CNTNAP5: variants seen among roughly 807,000 people sequenced by gnomAD.
The protein encoded by CNTNAP5 is contactin-associated protein-like 5.
A neutral mutation model predicts 150.2 loss-of-function variants in CNTNAP5; 72 were observed. The ratio of observed to expected loss-of-function variants is 0.48; its 90% CI spans 0.40 to 0.58. CNTNAP5 has a LOEUF of 0.58. CNTNAP5 is among the 20% of genes least tolerant of loss of function. The pLI is 0.00. For synonymous variants in CNTNAP5, 672 were observed against 619.8 expected, an observed-to-expected ratio of 1.08 and a Z score of -1.25; for missense variants, 1,636 against 1,626.2, an observed-to-expected ratio of 1.01 and a Z score of -0.10.
intron 10 of CNTNAP5, among the ~76,000 whole-genome samples, chr2:124,528,557 A>G (rs866112947): frequency 1.3e-5 from 2 of 152,172 alleles, no homozygotes; most frequent in Admixed American, 6.5e-5. Flanking sequence ...GGCAATATCT[A>G]TTTTTCATAG....
At chr2:124,062,968 A>G (rs1458986601) in intron 1 of CNTNAP5, among the ~76,000 whole-genome samples, 1 of 152,138 alleles carries the variant, frequency 6.6e-6, no homozygotes, top group East Asian at 1.9e-4. Context: ...ATCTAACTGA[A>G]GACTAGAAAA....
intron 2 of CNTNAP5, among the ~76,000 whole-genome samples, chr2:124,223,325 C>T (rs1686374937): frequency 6.6e-6 from 1 of 152,126 alleles, no homozygotes; most frequent in South Asian, 2.1e-4. Flanking sequence ...CGAGCTATGC[C>T]ACTTAAAAAC....
chr2:124,164,343 C>A (rs953609374), intron 1 of CNTNAP5, among the ~76,000 whole-genome samples: 3 of 152,162 alleles, frequency 2.0e-5, no homozygotes, highest in Non-Finnish European at 4.4e-5. Flanking sequence ...AAGACACAAC[C>A]CCCAAAACTC....
At chr2:124,888,085 C>A (rs1004335891) in intron 21 of CNTNAP5, among the ~76,000 whole-genome samples, 1 of 152,008 alleles carries the variant, frequency 6.6e-6, no homozygotes, top group African/African-American at 2.4e-5. Context: ...GTATAGTATT[C>A]AACAGTGAGT....
At chr2:124,799,373 T>G (rs1488380459) in intron 19 of CNTNAP5, among the ~76,000 whole-genome samples, 1 of 152,218 alleles carries the variant, frequency 6.6e-6, no homozygotes, top group African/African-American at 2.4e-5. Flanking sequence ...CTATTCTTGA[T>G]ATAGTCATGG....
chr2:124,150,797 C>CTGAT (rs1684387387), intron 1 of CNTNAP5, among the ~76,000 whole-genome samples: 1 of 152,168 alleles, frequency 6.6e-6, no homozygotes, highest in Non-Finnish European at 1.5e-5. Context: ...CTTTACATAC[C>CTGAT]ATCACATTGG....
intron 13 of CNTNAP5, among the ~76,000 whole-genome samples, chr2:124,700,556 G>A (rs1679500242): frequency 1.3e-5 from 2 of 152,038 alleles, no homozygotes; most frequent in East Asian, 1.9e-4. Context: ...CCTAGTGGGT[G>A]TGAAATGGCA....
chr2:124,886,661 A>G (rs1034333278), intron 21 of CNTNAP5, among the ~76,000 whole-genome samples: 1 of 152,044 alleles, frequency 6.6e-6, no homozygotes, highest in African/African-American at 2.4e-5. Context: ...TGAAAAAGAA[A>G]TTGAGCTTGA....
At chr2:124,526,253 A>T (rs1694964651) in intron 9 of CNTNAP5, among the ~76,000 whole-genome samples, 1 of 152,176 alleles carries the variant, frequency 6.6e-6, no homozygotes. Context: ...CCACGCGTAG[A>T]CTGTAAACTT....
At chr2:124,271,273 AT>A (rs1473313688) in intron 3 of CNTNAP5, among the ~76,000 whole-genome samples, 8 of 152,172 alleles carry the variant, frequency 5.3e-5, no homozygotes, top group Non-Finnish European at 1.0e-4. Flanking sequence ...AATAAATTCC[AT>A]AAGAGGAGAA....
intron 3 of CNTNAP5, among the ~76,000 whole-genome samples, chr2:124,249,088 G>T (rs1471011749): frequency 6.6e-6 from 1 of 151,810 alleles, no homozygotes; most frequent in East Asian, 1.9e-4. Flanking sequence ...TTTTTATCTT[G>T]CCCAAATTCC....
intron 14 of CNTNAP5, among the ~76,000 whole-genome samples, chr2:124,748,806 T>C (rs1680661227): frequency 6.6e-6 from 1 of 152,154 alleles, no homozygotes; most frequent in Non-Finnish European, 1.5e-5. Context: ...CCGAGTGCCT[T>C]CTCCTAAACT....
At chr2:124,041,607 C>T (rs1408336694) in intron 1 of CNTNAP5, among the ~76,000 whole-genome samples, 1 of 152,082 alleles carries the variant, frequency 6.6e-6, no homozygotes, top group East Asian at 1.9e-4. Flanking sequence ...TCAGATGTAA[C>T]TTTGCCCCAG....
chr2:124,544,339 G>C (rs1229141753), intron 10 of CNTNAP5, among the ~76,000 whole-genome samples: 1 of 152,070 alleles, frequency 6.6e-6, no homozygotes, highest in Non-Finnish European at 1.5e-5. Context: ...TTTAGCTAAA[G>C]AACTAAATTA....
At chr2:124,288,770 C>G (rs1017023856) in intron 3 of CNTNAP5, among the ~76,000 whole-genome samples, 1 of 152,064 alleles carries the variant, frequency 6.6e-6, no homozygotes. Context: ...ATACACTGCC[C>G]GTTTTTCCTG....
intron 10 of CNTNAP5, among the ~76,000 whole-genome samples, chr2:124,543,951 GT>G (rs34911795): frequency 2.0e-5 from 3 of 151,250 alleles, no homozygotes; most frequent in East Asian, 1.9e-4. Flanking sequence ...ATGCTAGCTA[GT>G]TTTTTTTTCC....
intron 3 of CNTNAP5, among the ~76,000 whole-genome samples, chr2:124,413,423 C>G (rs1691830436): frequency 7.1e-6 from 1 of 140,742 alleles, no homozygotes; most frequent in South Asian, 2.4e-4. Context: ...TATAAAGACA[C>G]ATGCACACGT....
chr2:124,558,671 C>T (rs1695815154), intron 10 of CNTNAP5, among the ~76,000 whole-genome samples: 1 of 152,196 alleles, frequency 6.6e-6, no homozygotes, highest in Non-Finnish European at 1.5e-5. Context: ...TTTCCCTGAA[C>T]TGTCTTGATT....
chr2:124,911,253 A>C (rs1372744256), intron 22 of CNTNAP5, among the ~76,000 whole-genome samples: 1 of 151,982 alleles, frequency 6.6e-6, no homozygotes, highest in African/African-American at 2.4e-5. Flanking sequence ...GCACATAAAC[A>C]AACAGGGCCA....
Sources: gnomAD v4.1 joint callset for allele counts (sites outside exome capture counted in the v4.1 genomes callset) on GRCh38, gnomAD v4.1.1 for gene constraint, MANE v1.5 for transcripts, NCBI Gene and HGNC (gene_info 2026-07-23, HGNC 2026-07-21) for gene names.